Variants in EXOC6B observed in about 807,000 individuals in gnomAD.
EXOC6B encodes the protein SEC15 homolog B.
Under a neutral mutation model 113.5 loss-of-function variants are expected in EXOC6B, and 54 were observed. That is an observed-to-expected ratio of 0.48 (90% CI 0.38 to 0.60). The LOEUF is 0.60. EXOC6B is among the 20% of genes least tolerant of loss of function. The pLI is 0.00. For synonymous variants in EXOC6B, 357 were observed against 339.0 expected (o/e 1.05, Z -0.58); for missense variants, 797 against 977.5 (o/e 0.82, Z 2.46).
chr2:72,493,248 T>C (rs1699846024), intron 15 of EXOC6B, among the ~76,000 whole-genome samples: 1 of 151,928 alleles, frequency 6.6e-6, no homozygotes, highest in Non-Finnish European at 1.5e-5. Context: ...TCGGACTACT[T>C]AGTTTCCTGC....
intron 20 of EXOC6B, among the ~76,000 whole-genome samples, chr2:72,191,830 T>C (rs1205339473): frequency 6.6e-6 from 1 of 152,144 alleles, no homozygotes; most frequent in Non-Finnish European, 1.5e-5. Context: ...CAGCAGCAAG[T>C]CTAGAAATAA....
intron 20 of EXOC6B, among the ~76,000 whole-genome samples, chr2:72,280,963 G>C (rs1685092246): frequency 6.6e-6 from 1 of 151,964 alleles, no homozygotes; most frequent in South Asian, 2.1e-4. Context: ...AGAGGGCAAA[G>C]GGCAGAAAGC....
At position 72,281,234 on chromosome 2, in the gene EXOC6B, C is replaced by T. The variant is rs188901620; in HGVS notation, c.2196+53713G>A. The stretch of plus-strand genomic sequence containing the variant: ...TGTATTGAGGTGATGATCCCCTTTA[C>T]TCTGGATGCCTGCCAGAAAATAGAA... On this transcript the variant is annotated intron_variant, in intron 20 of 21. Coordinates refer to ENST00000272427, the MANE Select transcript of EXOC6B (RefSeq NM_015189.3). 2.6e-5 allele frequency among the ~76,000 whole-genome samples: 4 copies of T among 152,282 alleles called. No homozygotes were observed. The East Asian group carries it at 7.7e-4, about 29-fold the overall frequency.
At chr2:72,402,216 A>C (rs1170938583) in intron 18 of EXOC6B, among the ~76,000 whole-genome samples, 1 of 152,044 alleles carries the variant, frequency 6.6e-6, no homozygotes, top group Non-Finnish European at 1.5e-5. Flanking sequence ...TTTATTCTTG[A>C]GTCAGTTTAG....
intron 19 of EXOC6B, among the ~76,000 whole-genome samples, chr2:72,363,401 C>T (rs1317147637): frequency 2.6e-5 from 4 of 152,058 alleles, no homozygotes; most frequent in East Asian, 3.9e-4. Flanking sequence ...ATTAGAAAAT[C>T]ATCAGTTCTG....
chr2:72,336,630 T>C (rs1688706659), intron 19 of EXOC6B, among the ~76,000 whole-genome samples: 1 of 152,236 alleles, frequency 6.6e-6, no homozygotes, highest in South Asian at 2.1e-4. Flanking sequence ...CTAAAGTTTC[T>C]ATTTGCTTTG....
chr2:72,251,503 G>A (rs1055712209), intron 20 of EXOC6B, among the ~76,000 whole-genome samples: 3 of 152,230 alleles, frequency 2.0e-5, no homozygotes, highest in South Asian at 2.1e-4. Context: ...TTGCAAGATG[G>A]GTAGAACCAC....
At chr2:72,365,983 A>G (rs625434) in intron 19 of EXOC6B, among the ~76,000 whole-genome samples, 19,209 of 152,162 alleles carry the variant, frequency 0.13, 1,400 homozygotes, top group African/African-American at 0.2. Flanking sequence ...ATCCATGTGC[A>G]AACAAAATAT....
intron 6 of EXOC6B, among the ~76,000 whole-genome samples, chr2:72,639,981 C>A (rs930785291): frequency 6.6e-6 from 1 of 152,176 alleles, no homozygotes; most frequent in Non-Finnish European, 1.5e-5. Flanking sequence ...CAAACAATGG[C>A]ACCACCTCTC....
intron 6 of EXOC6B, among the ~76,000 whole-genome samples, chr2:72,576,920 A>G (rs1300887022): frequency 6.6e-6 from 1 of 152,148 alleles, no homozygotes; most frequent in East Asian, 1.9e-4. Context: ...TCAGTGGCAA[A>G]TAGAAATTAG....
chr2:72,638,537 C>G (rs1216856947), intron 6 of EXOC6B, among the ~76,000 whole-genome samples: 2 of 152,102 alleles, frequency 1.3e-5, no homozygotes, highest in East Asian at 1.9e-4. Flanking sequence ...AGCTGGGAAC[C>G]CTACATGAGG....
At chr2:72,254,918 A>G (rs1683262234) in intron 20 of EXOC6B, among the ~76,000 whole-genome samples, 2 of 152,210 alleles carry the variant, frequency 1.3e-5, no homozygotes, top group Non-Finnish European at 1.5e-5. Flanking sequence ...GTGATAGAAA[A>G]GAGATAAATT....
At chr2:72,766,990 A>T (rs1451704166) in intron 1 of EXOC6B, among the ~76,000 whole-genome samples, 1 of 151,468 alleles carries the variant, frequency 6.6e-6, no homozygotes, top group African/African-American at 2.4e-5. Flanking sequence ...AAAAATCCAC[A>T]TTGAAGCCCA....
intron 18 of EXOC6B, among the ~76,000 whole-genome samples, chr2:72,416,928 C>T (rs1694561750): frequency 6.6e-6 from 1 of 152,148 alleles, no homozygotes; most frequent in Admixed American, 6.5e-5. Flanking sequence ...AACAATACCA[C>T]ATACTCGTTC....
intron 20 of EXOC6B, among the ~76,000 whole-genome samples, chr2:72,266,766 A>C (rs1684121077): frequency 6.6e-6 from 1 of 152,118 alleles, no homozygotes; most frequent in Non-Finnish European, 1.5e-5. Context: ...ATGAACTTTA[A>C]AGTAGTTTTT....
intron 8 of EXOC6B, among the ~76,000 whole-genome samples, chr2:72,519,823 G>A (rs1701397037): frequency 6.6e-6 from 1 of 152,150 alleles, no homozygotes; most frequent in South Asian, 2.1e-4. Context: ...TAGCTTAAGA[G>A]AATCATAATC....
intron 5 of EXOC6B, among the ~76,000 whole-genome samples, chr2:72,725,244 A>T (rs1215942741): frequency 6.6e-6 from 1 of 152,254 alleles, no homozygotes; most frequent in Non-Finnish European, 1.5e-5. Context: ...ATCTCTCAGA[A>T]GCCAGAAGAC....
chr2:72,386,918 T>C (rs1454650746), intron 18 of EXOC6B, among the ~76,000 whole-genome samples: 1 of 152,196 alleles, frequency 6.6e-6, no homozygotes, highest in East Asian at 1.9e-4. Flanking sequence ...CCTAGGTTCT[T>C]TTGCTCAGCA....
chr2:72,263,123 A>G (rs1014484426), intron 20 of EXOC6B, among the ~76,000 whole-genome samples: 2 of 152,184 alleles, frequency 1.3e-5, no homozygotes. Context: ...TTGTCAATGG[A>G]CTAAACTTGC....
Sources: allele counts gnomAD v4.1 joint callset (sites outside exome capture counted in the v4.1 genomes callset), GRCh38; gene constraint gnomAD v4.1.1; transcripts MANE v1.5; gene names NCBI Gene and HGNC (gene_info 2026-07-23, HGNC 2026-07-21).